The following PALM2AKAP2 variants were observed in gnomAD, a reference collection of about 807,000 sequenced individuals.
The protein encoded by PALM2AKAP2 is PALM2 and AKAP2 fusion, also known as PALM2-AKAP2 fusion protein.
Under a neutral mutation model 71.5 loss-of-function variants are expected in PALM2AKAP2, and 37 were observed. The observed-to-expected ratio is 0.52, with a 90% CI of 0.40 to 0.68. PALM2AKAP2 has a LOEUF of 0.68. Ranked by LOEUF, PALM2AKAP2 falls within the 30% of genes least tolerant of loss-of-function variation. The probability of loss-of-function intolerance (pLI) is 0.00; values close to 1 mark genes in which losing one functional copy is unlikely to be tolerated. For synonymous variants in PALM2AKAP2, 468 were observed against 478.8 expected, an observed-to-expected ratio of 0.98 and a Z score of 0.29; for missense variants, 1,224 against 1,191.8, an observed-to-expected ratio of 1.03 and a Z score of -0.40.
At chr9:109,665,034 C>T (rs745783014) in intron 1 of PALM2AKAP2, among the ~76,000 whole-genome samples, 9 of 152,182 alleles carry the variant, frequency 5.9e-5, no homozygotes, top group Non-Finnish European at 1.3e-4. Flanking sequence ...TCAGCTCCAT[C>T]AGGTCATTTA....
chr9:109,983,448 T>C (rs1832314358), intron 6 of PALM2AKAP2, among the ~76,000 whole-genome samples: 2 of 152,134 alleles, frequency 1.3e-5, no homozygotes, highest in African/African-American at 2.4e-5. Context: ...CTCCTTTTTT[T>C]CCTCTCTCTC....
At chr9:109,882,461 C>T (rs1261622797) in intron 3 of PALM2AKAP2, among the ~76,000 whole-genome samples, 2 of 152,198 alleles carry the variant, frequency 1.3e-5, no homozygotes, top group South Asian at 2.1e-4. Context: ...TACTCACACA[C>T]ACCCGTGTAC....
At chr9:109,895,845 C>A (rs1440051421) in intron 3 of PALM2AKAP2, among the ~76,000 whole-genome samples, 1 of 152,102 alleles carries the variant, frequency 6.6e-6, no homozygotes, top group East Asian at 1.9e-4. Flanking sequence ...GAAGGGGAAG[C>A]AAACACATCC....
chr9:109,736,300 A>G (rs1226429784), intron 1 of PALM2AKAP2, among the ~76,000 whole-genome samples: 1 of 152,258 alleles, frequency 6.6e-6, no homozygotes, highest in Non-Finnish European at 1.5e-5. Context: ...TTCTGTAGCG[A>G]CAATGAACAT....
intron 1 of PALM2AKAP2, among the ~76,000 whole-genome samples, chr9:109,798,581 C>T (rs183012466): frequency 6.6e-6 from 1 of 152,194 alleles, no homozygotes; most frequent in African/African-American, 2.4e-5. Context: ...GTTAAACATA[C>T]CCTCACCTAG....
chr9:109,666,520 T>G (rs1587859865), intron 1 of PALM2AKAP2, among the ~76,000 whole-genome samples: 1 of 152,300 alleles, frequency 6.6e-6, no homozygotes, highest in South Asian at 2.1e-4. Context: ...AGAGATGATA[T>G]CACAACCAGT....
intron 1 of PALM2AKAP2, among the ~76,000 whole-genome samples, chr9:109,677,415 C>T (rs1008781550): frequency 6.6e-6 from 1 of 152,068 alleles, no homozygotes; most frequent in African/African-American, 2.4e-5. Context: ...TGCCTGTAAT[C>T]CCAGCACTTT....
intron 6 of PALM2AKAP2, among the ~76,000 whole-genome samples, chr9:109,932,462 T>A (rs947097303): frequency 1.3e-5 from 2 of 152,266 alleles, no homozygotes; most frequent in Non-Finnish European, 2.9e-5. Context: ...ATTGTGCTAT[T>A]TGTATATTAT....
intron 6 of PALM2AKAP2, among the ~76,000 whole-genome samples, chr9:110,015,063 A>G (rs1432109818): frequency 6.6e-6 from 1 of 151,936 alleles, no homozygotes; most frequent in African/African-American, 2.4e-5. Context: ...ACTCTTGGAG[A>G]CAATCGGGTA....
At chr9:109,837,253 G>C (rs1388036715) in intron 1 of PALM2AKAP2, among the ~76,000 whole-genome samples, 2 of 152,132 alleles carry the variant, frequency 1.3e-5, no homozygotes, top group East Asian at 1.9e-4. Flanking sequence ...AATTTTCAAT[G>C]CAGAATTTCA....
intron 6 of PALM2AKAP2, among the ~76,000 whole-genome samples, chr9:109,933,874 C>T (rs1211450265): frequency 2.6e-5 from 4 of 152,192 alleles, no homozygotes; most frequent in African/African-American, 9.7e-5. Context: ...TGTTCAGATT[C>T]ATGATCAATT....
chr9:110,149,728 A>G (rs1288396719), intron 2 of PALM2AKAP2, among the ~76,000 whole-genome samples: 1 of 152,170 alleles, frequency 6.6e-6, no homozygotes, highest in African/African-American at 2.4e-5. Flanking sequence ...GAGGCTAGAG[A>G]ATCTCTTGAG....
Position 109,669,322 on chromosome 9 carries a change from A to G in PALM2AKAP2, c.5+28456A>G, listed in dbSNP as rs1827539460. Among the ~76,000 whole-genome samples the G allele has an allele frequency of 1.3e-5, 2 of 151,826 alleles. 1 individual carries two copies. Among genetic ancestry groups the G allele is most frequent in the South Asian group, 4.2e-4 (2 of 4,816 alleles). ...TGTCATATACTTTTTTCTAGATCTA[A>G]TGAGACAATCACATGGATTCCCTTT... On this transcript the variant is annotated intron_variant, in intron 1 of 6. Transcript: ENST00000374531.
At chr9:110,110,102 C>A (rs1171823282) in intron 1 of PALM2AKAP2, among the ~76,000 whole-genome samples, 1 of 152,174 alleles carries the variant, frequency 6.6e-6, no homozygotes, top group East Asian at 1.9e-4. Flanking sequence ...TTTAAGTGTT[C>A]TCCTCACACA....
intron 1 of PALM2AKAP2, among the ~76,000 whole-genome samples, chr9:110,103,742 TACATTGCCCTACCA>T (rs1318207198): frequency 1.3e-5 from 2 of 152,226 alleles, no homozygotes; most frequent in Non-Finnish European, 2.9e-5. Context: ...GTGGCACACA[TACATTGCCCTACCA>T]GGTTTATTTG....
rs758562196 is a variant in PALM2AKAP2 at position 110,015,922 on chromosome 9, G to T, written c.497-32G>T. On this transcript the variant is annotated intron_variant, in intron 6 of 9. Coordinates refer to the PALM2AKAP2 transcript ENST00000302798. ...TGTATCCATGTCAGCTGAATGACTT[G>T]GCTCAAATGGCACTTCTTTTTTTTC... 6 of 1,583,954 alleles carry T rather than the reference G, an allele frequency of 3.8e-6. No homozygotes were observed. The East Asian group carries it at 1.1e-4, about 30-fold the overall frequency.
upstream of PALM2AKAP2, among the ~76,000 whole-genome samples, chr9:109,775,226 C>G (rs544739118): frequency 4.9e-4 from 75 of 152,330 alleles, no homozygotes; most frequent in African/African-American, 1.6e-3. Context: ...CAAAGCTAAC[C>G]AAGAGAAAAG....
rs944638038 is a variant in PALM2AKAP2 at position 109,644,161 on chromosome 9, G to A, written c.5+3295G>A. Among the ~76,000 whole-genome samples the A allele has an allele frequency of 2.1e-4, 32 of 152,234 alleles. No homozygotes were observed. In the East Asian group the frequency reaches 5.8e-3, roughly 28 times the overall value. ...GGATTACATCTCAACATGATACCTG[G>A]AGGGGGACATCCAATCTACATCACT... On this transcript the variant is annotated intron_variant, in intron 1 of 6. Coordinates refer to the PALM2AKAP2 transcript ENST00000374531.
At chr9:109,831,143 A>ACACG (rs1491498705) in intron 1 of PALM2AKAP2, among the ~76,000 whole-genome samples, 1 of 37,582 alleles carries the variant, frequency 2.7e-5, no homozygotes, top group Non-Finnish European at 4.2e-5. Context: ...TACTTCCCCT[A>ACACG]CACACACACA....
Sources: allele counts gnomAD v4.1 joint callset (sites outside exome capture counted in the v4.1 genomes callset), GRCh38; gene constraint gnomAD v4.1.1; transcripts MANE v1.5; gene names NCBI Gene and HGNC (gene_info 2026-07-23, HGNC 2026-07-21).